Variants in NLRP4 observed in about 807,000 individuals in gnomAD.
The protein encoded by NLRP4 is NACHT, LRR and PYD domains-containing protein 4.
In NLRP4, 44 loss-of-function variants were observed where a neutral mutation model predicts 84.7. That is an observed-to-expected ratio of 0.52 (90% CI 0.41 to 0.67). The LOEUF (loss-of-function observed/expected upper bound fraction) is 0.67, where lower values mean the gene tolerates loss of function less well. Among genes scored for constraint, NLRP4 ranks in the 30% least tolerant of loss-of-function variants. The pLI, the probability that NLRP4 is intolerant of heterozygous loss-of-function variation, is 0.00. For synonymous variants in NLRP4, 544 were observed against 476.4 expected, an observed-to-expected ratio of 1.14 and a Z score of -1.85; for missense variants, 1,260 against 1,219.4, an observed-to-expected ratio of 1.03 and a Z score of -0.50.
At position 55,878,901 on chromosome 19, in the gene NLRP4, A is replaced by G. The variant is rs1363347943; in HGVS notation, c.2804A>G (p.His935Arg). The G allele has an allele frequency of 6.2e-7, 1 of 1,613,956 alleles. No individual in the cohort carries two copies. The highest frequency in any genetic ancestry group is 1.1e-5 in the South Asian group (1 of 91,068). ...QLNLTLNTLD[H>R]TGVVVLCEAL... ...AACCTGACCTTGAACACCTTGGACC[A>G]CACAGGGGTGGTTGTACTCTGTGAG... Residue 935 changes from histidine to arginine, a missense_variant, in exon 9 of 10, where the codon CAC becomes CGC. Physicochemically the swap from His to Arg is conservative, Grantham distance 29. Coordinates refer to ENST00000301295, the MANE Select transcript of NLRP4 (RefSeq NM_134444.5).
chr19:55,842,994 C>T (rs562839947), intron 1 of NLRP4, among the ~76,000 whole-genome samples: 27 of 151,176 alleles, frequency 1.8e-4, no homozygotes, highest in African/African-American at 6.3e-4. Flanking sequence ...CTCCTGACCT[C>T]GTGATCCGCC....
At chr19:55,864,281 G>C (rs867221683) in intron 5 of NLRP4, among the ~76,000 whole-genome samples, 66 of 152,258 alleles carry the variant, frequency 4.3e-4, no homozygotes, top group Middle Eastern at 6.8e-3. Context: ...AGTCCTATTG[G>C]ATTTTCCTAT....
At chr19:55,851,008 T>C (rs1210454368) in intron 1 of NLRP4, among the ~76,000 whole-genome samples, 1 of 114,768 alleles carries the variant, frequency 8.7e-6, no homozygotes, top group Non-Finnish European at 1.6e-5. Flanking sequence ...CGGTGTAATG[T>C]CCGTGGCTGC....
At chr19:55,867,635 C>T in intron 5 of NLRP4, 74 bp from the exon 6 acceptor site, 1 of 1,397,472 alleles carries the variant, frequency 7.2e-7, no homozygotes, top group Non-Finnish European at 1.0e-6. Flanking sequence ...CTTCCCGACT[C>T]TGACAGGATT....
rs12462372 is a variant in NLRP4, at chr19:55,862,096, G to C, written c.2123G>C (p.Arg708Pro). Residue 708 changes from arginine (R) to proline (P), a missense_variant, in exon 5 of 10, where the codon CGT (arginine) becomes CCT (proline). By Grantham distance (103) the Arg-to-Pro change is moderately radical (BLOSUM62 -2). This residue lies in a region of NLRP4 where 544 missense variants were observed against 531.7 expected (regional missense o/e 1.02). Transcript: ENST00000301295. Reference protein sequence around the residue: ...YLSFTLTKLSRDDIRSLCDAL... With the variant: ...YLSFTLTKLSPDDIRSLCDAL... ...AGCTTCACCCTCACGAAACTCTCTC[G>C]TGATGACATCAGGTCCCTCTGTGAT... 1 of 1,613,560 alleles carries C rather than the reference G, an allele frequency of 6.2e-7. No individual in the cohort carries two copies. The highest frequency in any genetic ancestry group is 1.3e-5 in the African/African-American group (1 of 75,038).
At chr19:55,871,466 G>A (rs1985181077) in intron 7 of NLRP4, among the ~76,000 whole-genome samples, 1 of 152,194 alleles carries the variant, frequency 6.6e-6, no homozygotes, top group Admixed American at 6.5e-5. Context: ...AGATGAGCCA[G>A]AAAGGAGATG....
intron 6 of NLRP4, among the ~76,000 whole-genome samples, chr19:55,870,098 C>CAA (rs539136027): frequency 3.0e-5 from 4 of 134,964 alleles, no homozygotes; most frequent in African/African-American, 8.0e-5. Context: ...ACCCTGTCTC[C>CAA]AAAAAAAAAA....
Position 55,861,277 on chromosome 19 carries a change from T to A in NLRP4, c.1857-109T>A, listed in dbSNP as rs186000468. The A allele has an allele frequency of 5.9e-4, 524 of 894,060 alleles. 4 individuals are homozygous for A. In the African/African-American group the frequency reaches 7.7e-3, roughly 13 times the overall value. The allele number at this position is 894,060 out of a possible 1,614,324, so 55.4% of individuals were successfully genotyped here. The stretch of plus-strand genomic sequence containing the variant: ...CCCGTTCCTTCTGACTGAGGGAGGC[T>A]CTGCCTCAGACATCTTCTGTTTGAG... On this transcript the variant is annotated intron_variant, in intron 3 of 9. Coordinates refer to ENST00000301295, the MANE Select transcript of NLRP4 (RefSeq NM_134444.5).
At chr19:55,848,758 T>C (rs1983901589) in intron 1 of NLRP4, among the ~76,000 whole-genome samples, 3 of 152,202 alleles carry the variant, frequency 2.0e-5, no homozygotes, top group African/African-American at 7.2e-5. Context: ...ACGGTTTGGC[T>C]GTGTCCCCAC....
chr19:55,863,961 C>G (rs1405541464), intron 5 of NLRP4, among the ~76,000 whole-genome samples: 1 of 152,124 alleles, frequency 6.6e-6, no homozygotes, highest in Non-Finnish European at 1.5e-5. Flanking sequence ...TTTTTCTGAG[C>G]TTGCATCAAC....
At chr19:55,843,834 CCA>C (rs1379002187) in intron 1 of NLRP4, among the ~76,000 whole-genome samples, 2 of 152,010 alleles carry the variant, frequency 1.3e-5, no homozygotes, top group African/African-American at 4.8e-5. Context: ...TACATCTGGT[CCA>C]CAGTCTCTTT....
intron 5 of NLRP4, among the ~76,000 whole-genome samples, chr19:55,864,087 T>C (rs2064616693): frequency 6.6e-6 from 1 of 152,302 alleles, no homozygotes; most frequent in Non-Finnish European, 1.5e-5. Flanking sequence ...AGAAATACTT[T>C]TAAAGTATAA....
intron 7 of NLRP4, among the ~76,000 whole-genome samples, chr19:55,872,320 T>C (rs1316118330): frequency 2.0e-5 from 3 of 152,218 alleles, no homozygotes. Flanking sequence ...GACATGATCC[T>C]TGACCTCAGC....
At chr19:55,869,613 A>G (rs73935430) in intron 6 of NLRP4, among the ~76,000 whole-genome samples, 9,145 of 152,204 alleles carry the variant, frequency 0.06, 634 homozygotes, top group African/African-American at 0.17. Flanking sequence ...TAGATTTTAC[A>G]TACAATTTTA....
At chr19:55,871,950 C>T (rs533297751) in intron 7 of NLRP4, among the ~76,000 whole-genome samples, 6 of 151,690 alleles carry the variant, frequency 4.0e-5, no homozygotes, top group African/African-American at 4.8e-5. Flanking sequence ...CCCGGGTTCA[C>T]GCCATTCTCG....
chr19:55,838,103 G>A (rs8103392), intron 1 of NLRP4, among the ~76,000 whole-genome samples: 14,666 of 150,342 alleles, frequency 0.098, 1,651 homozygotes, highest in African/African-American at 0.27. Context: ...TGGATCACCC[G>A]AGGTTGGGGG....
intron 1 of NLRP4, among the ~76,000 whole-genome samples, chr19:55,851,547 T>C (rs1298336837): frequency 1.3e-5 from 1 of 79,506 alleles, no homozygotes; most frequent in Non-Finnish European, 2.2e-5. Context: ...TGCGGTGTAA[T>C]GTCCGTGGCT....
intron 5 of NLRP4, among the ~76,000 whole-genome samples, chr19:55,865,421 A>G (rs1984917579): frequency 6.6e-6 from 1 of 152,170 alleles, no homozygotes; most frequent in Non-Finnish European, 1.5e-5. Context: ...TGCTGTGATG[A>G]GCATACAAGT....
chr19:55,859,127 T>C lies in NLRP4; in HGVS notation c.1734T>C (p.Phe578=), dbSNP rs1984609391. ...TGAACCTCCTCCAAGAAGCTAACTT[T>C]CATATTATTGACAACGTGGACTTGG... ...QAVNLLQEAN[F]HIIDNVDLVV... Residue 578 remains phenylalanine, a synonymous_variant, in exon 3 of 10, where the codon TTT becomes TTC. Coordinates refer to ENST00000301295, the MANE Select transcript of NLRP4 (RefSeq NM_134444.5). 7 of 1,613,914 alleles carry C rather than the reference T, an allele frequency of 4.3e-6. No individual in the cohort carries two copies. Among genetic ancestry groups the C allele is most frequent in the Non-Finnish European group, 5.9e-6 (7 of 1,179,914 alleles).
Sources: allele counts gnomAD v4.1 joint callset (sites outside exome capture counted in the v4.1 genomes callset), GRCh38; gene constraint gnomAD v4.1.1; regional missense constraint gnomAD v4.1.1; transcripts MANE v1.5; gene names NCBI Gene and HGNC (gene_info 2026-07-23, HGNC 2026-07-21).